Variants in IPO11 observed in about 807,000 individuals in gnomAD.
IPO11 encodes the protein importin-11.
IPO11 carries 66 observed loss-of-function variants against 143.2 expected under a neutral mutation model. That is an observed-to-expected ratio of 0.46 (90% CI 0.38 to 0.57). The LOEUF (loss-of-function observed/expected upper bound fraction) is 0.57. Ranked by LOEUF, IPO11 falls within the 20% of genes least tolerant of loss-of-function variation. The pLI is 0.00. For missense variants in IPO11, 1,026 were observed against 1,141.0 expected (o/e 0.90, Z 1.45); for synonymous variants, 385 against 377.8 (o/e 1.02, Z -0.22).
At chr5:62,460,346 A>G (rs532086729) in intron 5 of IPO11, among the ~76,000 whole-genome samples, 4 of 152,272 alleles carry the variant, frequency 2.6e-5, no homozygotes, top group South Asian at 2.1e-4. Context: ...TTAAAAAAAA[A>G]CTAGATTAGT....
At position 62,557,333 on chromosome 5, in the gene IPO11, G is replaced by A. The variant is rs533742742; in HGVS notation, c.2461-3803G>A. The stretch of plus-strand genomic sequence containing the variant: ...CAAGTAGCTGGGATTATAGGTGCAC[G>A]CCACCAAGCCTGGCTAATTTTGTAT... On this transcript the variant is annotated intron_variant, in intron 26 of 29. Transcript: ENST00000325324. Among the ~76,000 whole-genome samples the A allele has an allele frequency of 4.6e-5, 7 of 152,210 alleles. No homozygotes were observed. In the East Asian group the frequency reaches 5.8e-4, roughly 13 times the overall value.
chr5:62,531,258 G>A (rs1358352207), intron 22 of IPO11, among the ~76,000 whole-genome samples: 2 of 152,150 alleles, frequency 1.3e-5, no homozygotes, highest in Non-Finnish European at 2.9e-5. Flanking sequence ...GCTTACTGCA[G>A]CTTCAAACTA....
rs754338107 is a variant in IPO11 at position 62,561,132 on chromosome 5, T to C, written c.2461-4T>C. 3.1e-6 allele frequency: 5 copies of C among 1,602,636 alleles called. No homozygotes were observed. The South Asian group carries it at 5.6e-5, about 18-fold the overall frequency. On this transcript the variant is annotated splice_region_variant and splice_polypyrimidine_tract_variant and intron_variant, in intron 26 of 29. Transcript: ENST00000325324. Reference sequence around the variant, plus strand: ...TTTTGAGATGCCTCCTCCTCTTGTTTCAGATGGACCAGCTTTTGGGAAATA... The same window carrying C: ...TTTTGAGATGCCTCCTCCTCTTGTTCCAGATGGACCAGCTTTTGGGAAATA...
In IPO11 at chr5:62,627,328, A is replaced by AC; in HGVS notation, c.*11dup. On this transcript the variant is annotated 3_prime_UTR_variant, in exon 30 of 30. Transcript: ENST00000325324. ...TTTGCAAGGATTCTAAGAGCACATG[A>AC]CATGTGGCTGCCTCCCCTTTCAGAA... 6.2e-7 allele frequency: 1 copy of AC among 1,601,122 alleles called. No individual in the cohort carries two copies. Among genetic ancestry groups the AC allele is most frequent in the African/African-American group, 1.3e-5 (1 of 74,880 alleles).
chr5:62,546,559 G>T (rs1399614336), intron 24 of IPO11, among the ~76,000 whole-genome samples: 3 of 151,940 alleles, frequency 2.0e-5, no homozygotes, highest in African/African-American at 4.8e-5. Context: ...TAACAAACCT[G>T]CACGTTGTGC....
chr5:62,527,831 T>C (rs2112308384), intron 21 of IPO11, among the ~76,000 whole-genome samples: 1 of 152,328 alleles, frequency 6.6e-6, no homozygotes, highest in South Asian at 2.1e-4. Context: ...TTCATGAATT[T>C]TTCTTGATGG....
intron 10 of IPO11, among the ~76,000 whole-genome samples, chr5:62,483,686 A>G (rs533081122): frequency 7.2e-5 from 11 of 152,326 alleles, no homozygotes; most frequent in African/African-American, 2.4e-4. Flanking sequence ...CGTGTGTGCC[A>G]AGATGAATGA....
chr5:62,578,577 A>G (rs1205297479), intron 27 of IPO11: 1 of 345,662 alleles, frequency 2.9e-6, no homozygotes, highest in Non-Finnish European at 5.6e-6. Context: ...TATTATTTTT[A>G]TATTATAGGA....
chr5:62,508,298 AT>A (rs70981020), intron 19 of IPO11, among the ~76,000 whole-genome samples: 14,396 of 127,430 alleles, frequency 0.11, 703 homozygotes, highest in African/African-American at 0.21. Flanking sequence ...TGCCTGGCTA[AT>A]TTTTTTTTTT....
At chr5:62,578,689 C>A (rs1744414578) in intron 27 of IPO11, 1 of 468,028 alleles carries the variant, frequency 2.1e-6, no homozygotes, top group Admixed American at 2.4e-5. Flanking sequence ...GATAAAATTA[C>A]TTCCTGTCTC....
At chr5:62,625,292 T>C (rs1746525533) in intron 29 of IPO11, among the ~76,000 whole-genome samples, 2 of 152,190 alleles carry the variant, frequency 1.3e-5, no homozygotes, top group African/African-American at 4.8e-5. Context: ...ACTTCATAGG[T>C]TGAAGCATAT....
At chr5:62,485,333 C>G in intron 11 of IPO11, 86 bp from the exon 12 acceptor site, 1 of 1,101,460 alleles carries the variant, frequency 9.1e-7, no homozygotes, top group African/African-American at 1.6e-5. Context: ...AAAGAGTTCA[C>G]AAAAATATTA....
At position 62,491,716 on chromosome 5, in the gene IPO11, A is replaced by G. The variant is rs534011723; in HGVS notation, c.1463+1496A>G. 1.6e-4 allele frequency among the ~76,000 whole-genome samples: 22 copies of G among 141,412 alleles called. No homozygotes were observed. In the South Asian group the frequency reaches 4.9e-3, roughly 31 times the overall value. 92.8% of individuals were successfully genotyped at this position (141,412 alleles called of 152,430 possible). A position where few individuals can be genotyped will look rare whatever the true frequency, so the allele number is the denominator to read the frequency against. On this transcript the variant is annotated intron_variant, in intron 15 of 29. Coordinates refer to ENST00000325324, the MANE Select transcript of IPO11 (RefSeq NM_016338.5). ...AGTCTTGCTCTGTTGCCCAGGCTGT[A>G]GTGCAGTGGCGCGATCTCGACTCAC...
At chr5:62,441,807 A>G (rs1435636716) in intron 2 of IPO11, among the ~76,000 whole-genome samples, 1 of 149,290 alleles carries the variant, frequency 6.7e-6, no homozygotes, top group Non-Finnish European at 1.5e-5. Flanking sequence ...ATGAACCACC[A>G]TGCCCGGCCG....
chr5:62,597,061 A>G (rs1745255229), intron 28 of IPO11, among the ~76,000 whole-genome samples: 1 of 152,160 alleles, frequency 6.6e-6, no homozygotes, highest in Non-Finnish European at 1.5e-5. Context: ...TTTACTGCTA[A>G]TATACAATAT....
Position 62,490,220 on chromosome 5 carries a change from G to A in IPO11, c.1463G>A (p.Arg488Lys). 6.4e-7 allele frequency: 1 copy of A among 1,565,870 alleles called. No homozygotes were observed. Among genetic ancestry groups the A allele is most frequent in the Non-Finnish European group, 8.7e-7 (1 of 1,152,772 alleles). The change falls in exon 15 of 30, where the codon AGG becomes AAG. Residue 488 changes from arginine to lysine, a missense_variant and splice_region_variant. Around this residue, in one of 5 missense-constraint regions of IPO11, gnomAD observed 237 missense variants for 288.0 expected, o/e 0.82. Coordinates refer to ENST00000325324, the MANE Select transcript of IPO11 (RefSeq NM_016338.5). ...LLPELQVIHN[R>K]YKPLRRRVIW... ...CCAGAATTACAAGTCATTCACAATAGGCAAGTATAAAATTTTATATTTATT... is the reference window on the plus strand; with the variant it reads ...CCAGAATTACAAGTCATTCACAATAAGCAAGTATAAAATTTTATATTTATT...
chr5:62,426,157 C>A (rs542557428), intron 1 of IPO11, among the ~76,000 whole-genome samples: 1 of 152,122 alleles, frequency 6.6e-6, no homozygotes, highest in Non-Finnish European at 1.5e-5. Flanking sequence ...GAGGCCAAGG[C>A]GGGTGGATCA....
intron 20 of IPO11, among the ~76,000 whole-genome samples, chr5:62,522,276 T>G (rs1412058827): frequency 6.7e-6 from 1 of 149,416 alleles, no homozygotes; most frequent in Non-Finnish European, 1.5e-5. Context: ...GGAGGCTTGC[T>G]GATTGTGGTG....
chr5:62,489,125 C>T (rs1401214883), intron 13 of IPO11, among the ~76,000 whole-genome samples, 177 bp from the exon 14 acceptor site: 1 of 152,172 alleles, frequency 6.6e-6, no homozygotes, highest in Non-Finnish European at 1.5e-5. Flanking sequence ...CCTGTGTTCT[C>T]TAATGATAAT....
Sources: gnomAD v4.1 joint callset for allele counts (sites outside exome capture counted in the v4.1 genomes callset) on GRCh38, gnomAD v4.1.1 for gene constraint, gnomAD v4.1.1 regional missense constraint, MANE v1.5 for transcripts, NCBI Gene and HGNC (gene_info 2026-07-23, HGNC 2026-07-21) for gene names.